The following RASSF5 variants were observed in gnomAD, a reference collection of about 807,000 sequenced individuals.
RASSF5 encodes ras association domain-containing protein 5.
In RASSF5, 25 loss-of-function variants were observed where a neutral mutation model predicts 40.5. The observed-to-expected ratio is 0.62, with a 90% CI of 0.45 to 0.86. RASSF5 has a LOEUF of 0.86. Among genes scored for constraint, RASSF5 ranks in the 40% least tolerant of loss-of-function variants. The pLI, the probability that RASSF5 is intolerant of heterozygous loss-of-function variation, is 0.00. For synonymous variants in RASSF5, 246 were observed against 252.4 expected (o/e 0.97, Z 0.24); for missense variants, 521 against 572.8 (o/e 0.91, Z 0.92).
chr1:206,521,931 C>T (rs61817184), intron 1 of RASSF5, among the ~76,000 whole-genome samples: 3 of 152,128 alleles, frequency 2.0e-5, no homozygotes, highest in Admixed American at 2.0e-4. Context: ...GGCCTGGGGC[C>T]GAGAGGGTAT....
chr1:206,587,162 C>T lies in RASSF5; in HGVS notation c.*184C>T, dbSNP rs75182455. On this transcript the variant is annotated 3_prime_UTR_variant, in exon 6 of 6. Coordinates refer to ENST00000579436, the MANE Select transcript of RASSF5 (RefSeq NM_182663.4). ...TTGCACGAGGGTTCAGCTGTGCCCG[C>T]CCCCAGGCTGTGCCCCACCACAGAT... The T allele has an allele frequency of 9.1e-3, 6,053 of 666,018 alleles. 44 individuals are homozygous for T. Among genetic ancestry groups the T allele is most frequent in the Non-Finnish European group, 0.012 (4,572 of 390,218 alleles). The allele number at this position is 666,018 out of a possible 1,614,324, so 41.3% of individuals were successfully genotyped here. A position where few individuals can be genotyped will look rare whatever the true frequency, so the allele number is the denominator to read the frequency against.
At chr1:206,558,586 T>C (rs1436401255) in intron 2 of RASSF5, among the ~76,000 whole-genome samples, 2 of 152,160 alleles carry the variant, frequency 1.3e-5, no homozygotes, top group African/African-American at 4.8e-5. Context: ...GCTACACCAA[T>C]TCAAATTAAC....
At chr1:206,586,719 C>T (rs1056109189) in intron 5 of RASSF5, 107 bp from the exon 6 acceptor site, 25 of 845,508 alleles carry the variant, frequency 3.0e-5, no homozygotes, top group Middle Eastern at 6.8e-4. Flanking sequence ...GTGTGAATCA[C>T]GGATGTGAAC....
chr1:206,557,625 C>G (rs1036927921), intron 2 of RASSF5: 4 of 1,614,212 alleles, frequency 2.5e-6, no homozygotes, highest in East Asian at 4.5e-5. Flanking sequence ...GGACGAGGAA[C>G]TGGAAGACTG....
chr1:206,528,203 A>AAT (rs782494236), intron 1 of RASSF5, among the ~76,000 whole-genome samples: 71 of 152,130 alleles, frequency 4.7e-4, no homozygotes, highest in Non-Finnish European at 8.8e-4. Context: ...GAGCCTCATA[A>AAT]ATATATATAT....
intron 1 of RASSF5, among the ~76,000 whole-genome samples, chr1:206,516,433 C>T (rs567001102): frequency 2.6e-5 from 4 of 151,452 alleles, no homozygotes; most frequent in East Asian, 3.9e-4. Context: ...ACGGTGCATT[C>T]GGAAGGGATT....
chr1:206,510,950 C>G (rs1176079486), intron 1 of RASSF5, among the ~76,000 whole-genome samples: 2 of 152,104 alleles, frequency 1.3e-5, no homozygotes, highest in Non-Finnish European at 2.9e-5. Flanking sequence ...TGGGTGGGAA[C>G]CATGTTGGCA....
At position 206,584,733 on chromosome 1, in the gene RASSF5, C is replaced by T. The variant is rs782728001; in HGVS notation, c.988+49C>T. On this transcript the variant is annotated intron_variant, in intron 4 of 5. Transcript: ENST00000579436. This position sits in a 1 kb window ranked among gnomAD's most constrained non-coding sequence, Gnocchi z 4.9. ...CAGACCGTTCCCTTCCTACCTGTGT[C>T]CAAGCCCACCCACTAAAACTCCTGC... 4 of 1,599,614 alleles carry T rather than the reference C, an allele frequency of 2.5e-6. No homozygotes were observed. The highest frequency in any genetic ancestry group is 1.7e-5 in the Admixed American group (1 of 58,710).
intron 1 of RASSF5, among the ~76,000 whole-genome samples, chr1:206,518,756 A>G (rs573699276): frequency 2.6e-5 from 4 of 152,180 alleles, no homozygotes; most frequent in African/African-American, 9.6e-5. Flanking sequence ...TCCAAAGGAC[A>G]TGGTCTGCCT....
intron 1 of RASSF5, among the ~76,000 whole-genome samples, chr1:206,510,141 AG>A (rs1666579078): frequency 1.3e-5 from 2 of 152,328 alleles, no homozygotes; most frequent in East Asian, 3.9e-4. Context: ...TGGCAGGTGG[AG>A]ACACAGCAGG....
intron 2 of RASSF5, among the ~76,000 whole-genome samples, chr1:206,581,490 T>C (rs1201671899): frequency 7.2e-5 from 11 of 151,912 alleles, no homozygotes; most frequent in African/African-American, 2.4e-4. Context: ...TCCCAGCTAC[T>C]TGGGAGGCTG....
chr1:206,532,747 C>T (rs1667274884), intron 1 of RASSF5, among the ~76,000 whole-genome samples: 1 of 152,170 alleles, frequency 6.6e-6, no homozygotes, highest in South Asian at 2.1e-4. Context: ...GGCTCAGTCG[C>T]CTTGGTGCCC....
chr1:206,523,634 A>T (rs1480266561), intron 1 of RASSF5, among the ~76,000 whole-genome samples: 2 of 102,886 alleles, frequency 1.9e-5, no homozygotes, highest in South Asian at 2.3e-4. Context: ...TATAAAATAT[A>T]TTATATATAA....
chr1:206,552,660 T>C lies in RASSF5; in HGVS notation c.579+14367T>C, dbSNP rs748060495. Among the ~76,000 whole-genome samples the C allele has an allele frequency of 6.6e-5, 10 of 152,218 alleles. No individual in the cohort carries two copies. Among genetic ancestry groups the C allele is most frequent in the Non-Finnish European group, 1.0e-4 (7 of 68,034 alleles). ...TGGAAAGTTACAGGGGCTCTGGGTT[T>C]GAATCTGATTCTACCATTTACTTGC... On this transcript the variant is annotated intron_variant, in intron 2 of 5. Transcript: ENST00000579436. The surrounding 1 kb of genome is among the most constrained non-coding windows in gnomAD (Gnocchi z 4.1).
rs782259682 is a variant in RASSF5, at chr1:206,507,896, C to G, written c.294C>G (p.Pro98=). 457 of 1,502,568 alleles carry G rather than the reference C, an allele frequency of 3.0e-4. No homozygotes were observed. Among genetic ancestry groups the G allele is most frequent in the Non-Finnish European group, 3.9e-4 (443 of 1,133,162 alleles). 93.1% of individuals were successfully genotyped at this position (1,502,568 alleles called of 1,614,324 possible). Residue 98 remains proline, a synonymous_variant, in exon 1 of 6, where the codon CCC becomes CCG. Transcript: ENST00000579436. The stretch of plus-strand genomic sequence containing the variant: ...GACTGCGGCGGCGGCCTGGAGCGCC[C>G]CGACCCCGCGACGTGCGGAGCATCT... ...QQRLRRRPGA[P]RPRDVRSIFE...
chr1:206,582,031 G>A (rs551398431), intron 2 of RASSF5, among the ~76,000 whole-genome samples: 96 of 152,294 alleles, frequency 6.3e-4, no homozygotes, highest in Admixed American at 1.7e-3. Flanking sequence ...TACCAAAGGA[G>A]AATCCTGATC....
chr1:206,562,783 A>G (rs1668177941), intron 2 of RASSF5, among the ~76,000 whole-genome samples: 1 of 152,160 alleles, frequency 6.6e-6, no homozygotes, highest in African/African-American at 2.4e-5. Context: ...AATAGAAAAA[A>G]TTAGCCAGGC....
chr1:206,549,459 C>A (rs1190444389), intron 2 of RASSF5, among the ~76,000 whole-genome samples: 1 of 152,062 alleles, frequency 6.6e-6, no homozygotes, highest in Non-Finnish European at 1.5e-5. Flanking sequence ...GTGTCTTTGA[C>A]CAATGCTAAT....
Position 206,584,420 on chromosome 1 carries a change from G to C in RASSF5, c.724G>C (p.Val242Leu), listed in dbSNP as rs1553407052. Residue 242 changes from valine (V) to leucine (L), a missense_variant, in exon 4 of 6, where the codon GTG (valine) becomes CTG (leucine). Transcript: ENST00000579436. The surrounding 1 kb of genome is among the most constrained non-coding windows in gnomAD (Gnocchi z 4.9). ...CGGCACCTACACGGGTTTCATCAAA[G>C]TGCATCTGAAACTCCGGCGGCCTGT... ...EDGTYTGFIK[V>L]HLKLRRPVTV... The C allele has an allele frequency of 6.2e-7, 1 of 1,614,060 alleles. No individual in the cohort carries two copies.
Sources: gnomAD v4.1 joint callset for allele counts (sites outside exome capture counted in the v4.1 genomes callset) on GRCh38, gnomAD v4.1.1 for gene constraint, Gnocchi (gnomAD v3.1) non-coding constraint, MANE v1.5 for transcripts, NCBI Gene and HGNC (gene_info 2026-07-23, HGNC 2026-07-21) for gene names.